Variants in FCHO2 observed in about 807,000 individuals in gnomAD.
FCHO2 encodes the protein F-BAR domain only protein 2.
FCHO2 carries 43 observed loss-of-function variants against 114.1 expected under a neutral mutation model. That is an observed-to-expected ratio of 0.38 (90% CI 0.30 to 0.49). FCHO2 has a LOEUF of 0.49. FCHO2 is among the 20% of genes least tolerant of loss of function. The pLI is 0.97. For synonymous variants in FCHO2, 293 were observed against 315.2 expected (o/e 0.93, Z 0.75); for missense variants, 807 against 950.4 (o/e 0.85, Z 1.98).
At chr5:72,979,916 T>C (rs1753108811) in intron 2 of FCHO2, among the ~76,000 whole-genome samples, 1 of 152,222 alleles carries the variant, frequency 6.6e-6, no homozygotes, top group South Asian at 2.1e-4. Flanking sequence ...CATTGATTTT[T>C]TTGAACGCTG....
intron 2 of FCHO2, among the ~76,000 whole-genome samples, chr5:72,976,042 G>A (rs1752849261): frequency 6.6e-6 from 1 of 152,236 alleles, no homozygotes; most frequent in Non-Finnish European, 1.5e-5. Context: ...GTTTAATTTT[G>A]TAAGAAACCC....
At chr5:73,073,668 G>C (rs976314901) in intron 19 of FCHO2, among the ~76,000 whole-genome samples, 6 of 152,028 alleles carry the variant, frequency 3.9e-5, no homozygotes, top group African/African-American at 1.4e-4. Flanking sequence ...AGATTTAGTT[G>C]TGAGGCAGAA....
chr5:73,067,663 T>G (rs1403244738), intron 18 of FCHO2, among the ~76,000 whole-genome samples: 3 of 152,044 alleles, frequency 2.0e-5, no homozygotes, highest in Non-Finnish European at 4.4e-5. Flanking sequence ...GACAGTTATC[T>G]TTCTTGTTCA....
intron 5 of FCHO2, 69 bp from the exon 6 acceptor site, chr5:73,006,376 A>G (rs1300787234): frequency 6.5e-6 from 6 of 924,754 alleles, no homozygotes; most frequent in Non-Finnish European, 7.5e-6. Context: ...TGTTATTCAT[A>G]TTAACTTACA....
intron 8 of FCHO2, 182 bp from the exon 9 acceptor site, chr5:73,034,475 A>T: frequency 4.1e-6 from 2 of 485,614 alleles, no homozygotes; most frequent in Non-Finnish European, 7.2e-6. Flanking sequence ...GAATTATTTG[A>T]TTTTTAAAAT....
intron 5 of FCHO2, among the ~76,000 whole-genome samples, chr5:72,996,579 C>G (rs1189365992): frequency 1.3e-5 from 2 of 151,362 alleles, no homozygotes; most frequent in Admixed American, 6.6e-5. Flanking sequence ...GTCCCCTTCC[C>G]CAATTAATCC....
chr5:72,994,923 A>G (rs1754002645), intron 5 of FCHO2, among the ~76,000 whole-genome samples: 4 of 152,142 alleles, frequency 2.6e-5, no homozygotes, highest in Admixed American at 2.6e-4. Context: ...GAGAACACAT[A>G]GAGAGGAACA....
chr5:73,001,448 CAA>C (rs1215202339), intron 5 of FCHO2, among the ~76,000 whole-genome samples: 2,204 of 65,476 alleles, frequency 0.034, 11 homozygotes, highest in Non-Finnish European at 0.043. Flanking sequence ...GATCCTGTCT[CAA>C]AAAAAAAAAA....
At chr5:72,980,505 A>G (rs1056279745) in intron 2 of FCHO2, among the ~76,000 whole-genome samples, 1 of 152,054 alleles carries the variant, frequency 6.6e-6, no homozygotes, top group Non-Finnish European at 1.5e-5. Flanking sequence ...TATCTTTGTT[A>G]ATTTTCTCTC....
At chr5:73,084,873 A>T (rs1216818485) in intron 24 of FCHO2, among the ~76,000 whole-genome samples, 1 of 152,220 alleles carries the variant, frequency 6.6e-6, no homozygotes, top group Admixed American at 6.5e-5. Flanking sequence ...CTTTAACCCT[A>T]GCTATTAATA....
At chr5:73,057,974 CAT>C (rs1757675613) in intron 16 of FCHO2, among the ~76,000 whole-genome samples, 1 of 152,090 alleles carries the variant, frequency 6.6e-6, no homozygotes, top group African/African-American at 2.4e-5. Flanking sequence ...AATTTCTACA[CAT>C]ATACTACTGA....
At chr5:72,971,833 G>A (rs1422481943) in intron 2 of FCHO2, among the ~76,000 whole-genome samples, 6 of 152,148 alleles carry the variant, frequency 3.9e-5, no homozygotes, top group Non-Finnish European at 8.8e-5. Flanking sequence ...TATGGTTTTA[G>A]GTCGAACATT....
At chr5:73,002,804 G>A (rs1561438661) in intron 5 of FCHO2, among the ~76,000 whole-genome samples, 1 of 152,130 alleles carries the variant, frequency 6.6e-6, no homozygotes, top group Non-Finnish European at 1.5e-5. Flanking sequence ...TTTTCTTGGA[G>A]AGCCAAGACA....
chr5:73,061,799 T>G (rs1206080018), intron 17 of FCHO2, among the ~76,000 whole-genome samples: 10 of 152,152 alleles, frequency 6.6e-5, no homozygotes, highest in Non-Finnish European at 2.9e-5. Context: ...GGTTTCCTAA[T>G]GCTTTGGATG....
chr5:72,991,087 G>A (rs1046840271), intron 5 of FCHO2, among the ~76,000 whole-genome samples: 14 of 152,072 alleles, frequency 9.2e-5, no homozygotes, highest in Admixed American at 5.9e-4. Context: ...GATTTGAGAC[G>A]GAGTTTTGCT....
intron 2 of FCHO2, among the ~76,000 whole-genome samples, chr5:72,974,388 T>C (rs1467961214): frequency 6.8e-6 from 1 of 147,106 alleles, no homozygotes; most frequent in Non-Finnish European, 1.5e-5. Flanking sequence ...TGGGTGCTCC[T>C]GTATTGGGTG....
intron 11 of FCHO2, among the ~76,000 whole-genome samples, chr5:73,041,936 C>T (rs139630207): frequency 2.7e-4 from 41 of 152,062 alleles, no homozygotes; most frequent in African/African-American, 8.9e-4. Flanking sequence ...CATTAGATAC[C>T]GTTCATGTTG....
At chr5:72,981,733 G>A (rs6893074) in intron 2 of FCHO2, among the ~76,000 whole-genome samples, 18,544 of 151,962 alleles carry the variant, frequency 0.12, 1,429 homozygotes, top group East Asian at 0.35. Flanking sequence ...CCACTTGATC[G>A]ATTTGGCTAT....
chr5:73,069,412 G>C (rs925652957), intron 19 of FCHO2, among the ~76,000 whole-genome samples: 1 of 151,820 alleles, frequency 6.6e-6, no homozygotes, highest in African/African-American at 2.4e-5. Flanking sequence ...ATCAGTGTGA[G>C]CCCTGAGCTT....
Sources: gnomAD v4.1 joint callset for allele counts (sites outside exome capture counted in the v4.1 genomes callset) on GRCh38, gnomAD v4.1.1 for gene constraint, MANE v1.5 for transcripts, NCBI Gene and HGNC (gene_info 2026-07-23, HGNC 2026-07-21) for gene names.